The following DPY19L2 variants were observed in gnomAD, a reference collection of about 807,000 sequenced individuals.
DPY19L2 encodes the protein probable C-mannosyltransferase DPY19L2.
A neutral mutation model predicts 97.9 loss-of-function variants in DPY19L2; 34 were observed. The observed-to-expected ratio is 0.35, with a 90% CI of 0.26 to 0.46. The LOEUF (loss-of-function observed/expected upper bound fraction) is 0.46. DPY19L2 is among the 20% of genes least tolerant of loss of function. DPY19L2 has a pLI of 1.00. For synonymous variants in DPY19L2, 230 were observed against 307.9 expected, an observed-to-expected ratio of 0.75 and a Z score of 2.65; for missense variants, 623 against 911.4, an observed-to-expected ratio of 0.68 and a Z score of 4.07.
intron 10 of DPY19L2, 74 bp downstream of exon 10, chr12:63,618,077 A>G: frequency 7.5e-7 from 1 of 1,340,842 alleles, no homozygotes; most frequent in Non-Finnish European, 1.0e-6. Context: ...TACCGTATAA[A>G]ACAGAATCAC....
intron 12 of DPY19L2, among the ~76,000 whole-genome samples, chr12:63,606,976 T>A (rs1431035341): frequency 6.6e-6 from 1 of 152,190 alleles, no homozygotes; most frequent in Non-Finnish European, 1.5e-5. Flanking sequence ...TCAGGTTGTG[T>A]GTAATAAATA....
intron 4 of DPY19L2, among the ~76,000 whole-genome samples, chr12:63,654,061 T>C (rs1279392372): frequency 6.6e-6 from 1 of 151,976 alleles, no homozygotes. Flanking sequence ...AACAGACATC[T>C]ATTCTAAAAG....
chr12:63,586,187 C>T (rs1289731293), intron 16 of DPY19L2, among the ~76,000 whole-genome samples: 4 of 152,048 alleles, frequency 2.6e-5, no homozygotes, highest in South Asian at 2.1e-4. Flanking sequence ...AATGCTAGAA[C>T]ACAAAGAAGC....
At chr12:63,585,290 GAA>G (rs975053020) in intron 16 of DPY19L2, among the ~76,000 whole-genome samples, 1 of 152,150 alleles carries the variant, frequency 6.6e-6, no homozygotes, top group Non-Finnish European at 1.5e-5. Context: ...TTTTGGGGGT[GAA>G]GAGAGAAATA....
intron 16 of DPY19L2, among the ~76,000 whole-genome samples, chr12:63,586,621 T>C (rs1400470676): frequency 6.6e-6 from 1 of 152,172 alleles, no homozygotes; most frequent in Non-Finnish European, 1.5e-5. Context: ...GGTTTCCTCA[T>C]CTGCAAATAA....
At chr12:63,593,075 C>G (rs370082248) in intron 16 of DPY19L2, among the ~76,000 whole-genome samples, 4 of 151,740 alleles carry the variant, frequency 2.6e-5, no homozygotes, top group East Asian at 1.9e-4. Context: ...AAATGCAAAT[C>G]AAAACCACAA....
intron 1 of DPY19L2, among the ~76,000 whole-genome samples, chr12:63,667,509 G>A (rs990468788): frequency 6.6e-6 from 1 of 152,080 alleles, no homozygotes; most frequent in Non-Finnish European, 1.5e-5. Flanking sequence ...CCTGGACCAC[G>A]GCATCCTATC....
At chr12:63,605,573 C>T (rs1184330718) in intron 12 of DPY19L2, among the ~76,000 whole-genome samples, 1 of 152,144 alleles carries the variant, frequency 6.6e-6, no homozygotes, top group Non-Finnish European at 1.5e-5. Context: ...GAAACAAGGA[C>T]ACACTGGTAG....
At chr12:63,636,518 T>C (rs1198018718) in intron 6 of DPY19L2, among the ~76,000 whole-genome samples, 4 of 152,042 alleles carry the variant, frequency 2.6e-5, no homozygotes, top group Non-Finnish European at 4.4e-5. Flanking sequence ...CATTGTGCTG[T>C]ATTCGGGAAA....
At chr12:63,655,666 G>C in intron 4 of DPY19L2, among the ~76,000 whole-genome samples, 1 of 150,064 alleles carries the variant, frequency 6.7e-6, no homozygotes, top group Non-Finnish European at 1.5e-5. Context: ...CCAGTAATGT[G>C]AAAAGGATAT....
intron 11 of DPY19L2, among the ~76,000 whole-genome samples, chr12:63,616,930 C>G (rs1012645534): frequency 7.9e-5 from 12 of 152,208 alleles, no homozygotes; most frequent in African/African-American, 2.9e-4. Flanking sequence ...GTGCCATAGT[C>G]TGTGAAGGAA....
At chr12:63,574,660 A>C (rs1054836214) in intron 19 of DPY19L2, among the ~76,000 whole-genome samples, 25 of 152,092 alleles carry the variant, frequency 1.6e-4, no homozygotes, top group Non-Finnish European at 2.6e-4. Flanking sequence ...GAATAGCCAT[A>C]CTTACATCAG....
chr12:63,617,963 T>G lies in DPY19L2; in HGVS notation c.1131+188A>C, dbSNP rs543306468. Reference sequence around the variant, plus strand: ...AGAATAAAACACATCTACAGTCCAGTTGAAAGTATAATCTGTTATAATATG... The same window carrying G: ...AGAATAAAACACATCTACAGTCCAGGTGAAAGTATAATCTGTTATAATATG... On this transcript the variant is annotated intron_variant, in intron 10 of 21. Coordinates refer to ENST00000324472, the MANE Select transcript of DPY19L2 (RefSeq NM_173812.5). Among the ~76,000 whole-genome samples the G allele has an allele frequency of 2.5e-4, 38 of 152,202 alleles. 1 individual carries two copies. In the South Asian group the frequency reaches 6.2e-3, roughly 25 times the overall value.
chr12:63,622,506 C>T (rs1888852176), intron 8 of DPY19L2, among the ~76,000 whole-genome samples: 2 of 152,166 alleles, frequency 1.3e-5, no homozygotes, highest in African/African-American at 4.8e-5. Context: ...CACCCCAGTA[C>T]ACTACTATTT....
At chr12:63,657,252 T>A (rs1490192261) in intron 4 of DPY19L2, among the ~76,000 whole-genome samples, 1 of 152,214 alleles carries the variant, frequency 6.6e-6, no homozygotes, top group Non-Finnish European at 1.5e-5. Flanking sequence ...TTACCAAAGC[T>A]GGAGTTTGTT....
At chr12:63,652,638 T>A in intron 4 of DPY19L2, among the ~76,000 whole-genome samples, 1 of 151,814 alleles carries the variant, frequency 6.6e-6, no homozygotes, top group Non-Finnish European at 1.5e-5. Context: ...ATGAAAGGAG[T>A]TAGAGGCCAG....
intron 20 of DPY19L2, among the ~76,000 whole-genome samples, chr12:63,569,787 T>C (rs1168953954): frequency 6.6e-6 from 1 of 152,160 alleles, no homozygotes; most frequent in East Asian, 1.9e-4. Context: ...ACTTAGACAA[T>C]GGGCATCCAG....
intron 21 of DPY19L2, among the ~76,000 whole-genome samples, chr12:63,563,094 C>CCCGGA (rs1194164287): frequency 6.6e-6 from 1 of 151,564 alleles, no homozygotes; most frequent in Non-Finnish European, 1.5e-5. Flanking sequence ...AACCACTGCG[C>CCCGGA]CTATTTTGTC....
At chr12:63,593,371 C>T (rs1181070464) in intron 16 of DPY19L2, among the ~76,000 whole-genome samples, 3 of 151,932 alleles carry the variant, frequency 2.0e-5, no homozygotes, top group African/African-American at 7.2e-5. Context: ...TTCACAATAG[C>T]AAAGACTTGG....
Sources: allele counts gnomAD v4.1 joint callset (sites outside exome capture counted in the v4.1 genomes callset), GRCh38; gene constraint gnomAD v4.1.1; transcripts MANE v1.5; gene names NCBI Gene and HGNC (gene_info 2026-07-23, HGNC 2026-07-21).